Variants in OPCML observed in about 807,000 individuals in gnomAD.
The protein encoded by OPCML is opioid binding protein/cell adhesion molecule like, also known as opioid-binding protein/cell adhesion molecule.
In OPCML, 13 loss-of-function variants were observed where a neutral mutation model predicts 37.8. The observed-to-expected ratio is 0.34, with a 90% CI of 0.22 to 0.55. OPCML has a LOEUF of 0.55. Ranked by LOEUF, OPCML falls within the 20% of genes least tolerant of loss-of-function variation. The pLI, the probability that OPCML is intolerant of heterozygous loss-of-function variation, is 0.91. For missense variants in OPCML, 341 were observed against 435.6 expected, an observed-to-expected ratio of 0.78 and a Z score of 1.93; for synonymous variants, 176 against 168.8, an observed-to-expected ratio of 1.04 and a Z score of -0.33.
At chr11:133,447,721 A>G (rs956975417) in intron 1 of OPCML, among the ~76,000 whole-genome samples, 2 of 152,210 alleles carry the variant, frequency 1.3e-5, no homozygotes, top group African/African-American at 2.4e-5. Flanking sequence ...TCATAGCTGC[A>G]TAGTATTCCA....
intron 1 of OPCML, among the ~76,000 whole-genome samples, chr11:133,452,254 A>C (rs891060415): frequency 1.3e-5 from 2 of 151,744 alleles, no homozygotes; most frequent in Non-Finnish European, 2.9e-5. Context: ...AGGGAAATAC[A>C]TGAATAACCA....
At chr11:132,432,059 T>A (rs2095998857) in intron 7 of OPCML, among the ~76,000 whole-genome samples, 1 of 152,212 alleles carries the variant, frequency 6.6e-6, no homozygotes, top group African/African-American at 2.4e-5. Context: ...TCTTATGAGC[T>A]GGATTGCAAT....
chr11:133,427,583 T>C (rs746812157), intron 1 of OPCML, among the ~76,000 whole-genome samples: 2 of 151,920 alleles, frequency 1.3e-5, no homozygotes, highest in Non-Finnish European at 1.5e-5. Flanking sequence ...TGAGCAGAAC[T>C]GGAATGATAA....
chr11:133,246,420 C>A (rs1290798217), intron 1 of OPCML, among the ~76,000 whole-genome samples: 2 of 152,170 alleles, frequency 1.3e-5, no homozygotes, highest in Non-Finnish European at 2.9e-5. Context: ...GTTTGGAAGC[C>A]TTTCCTGAGT....
At chr11:132,902,886 C>G (rs573278332) in intron 2 of OPCML, among the ~76,000 whole-genome samples, 49 of 152,136 alleles carry the variant, frequency 3.2e-4, no homozygotes, top group Non-Finnish European at 5.3e-4. Context: ...AAGGCAACTC[C>G]GAGAAATTAC....
chr11:132,769,108 C>T lies in OPCML; in HGVS notation c.147-111789G>A, dbSNP rs1029350652. 6.8e-5 allele frequency among the ~76,000 whole-genome samples: 6 copies of T among 88,270 alleles called. No homozygotes were observed. In the Admixed American group the frequency reaches 9.2e-4, roughly 14 times the overall value. The allele number at this position is 88,270 out of a possible 152,430, so 57.9% of individuals were successfully genotyped here. On this transcript the variant is annotated intron_variant, in intron 2 of 7. Transcript: ENST00000524381. ...GGGGTTTGAGGTCGCTGATGCACCA[C>T]TGGGAACGGGAAAGGGGGTGTGGGG... is the stretch of plus-strand genomic sequence containing the variant.
intron 4 of OPCML, among the ~76,000 whole-genome samples, chr11:132,498,250 C>T (rs1029557005): frequency 3.3e-5 from 5 of 152,128 alleles, no homozygotes; most frequent in Non-Finnish European, 7.4e-5. Flanking sequence ...AGAAATAAAA[C>T]TTGAAGATTT....
At chr11:132,796,019 G>A (rs570731484) in intron 2 of OPCML, among the ~76,000 whole-genome samples, 2 of 152,248 alleles carry the variant, frequency 1.3e-5, no homozygotes, top group South Asian at 4.1e-4. Context: ...AAACAATACA[G>A]TTTATAAGCT....
chr11:133,355,599 T>G (rs984122987), intron 1 of OPCML, among the ~76,000 whole-genome samples: 3 of 152,316 alleles, frequency 2.0e-5, no homozygotes, highest in African/African-American at 7.2e-5. Flanking sequence ...GTGGCACAGC[T>G]GGGCCCTGAA....
chr11:132,431,000 G>A (rs192027214), intron 7 of OPCML, among the ~76,000 whole-genome samples: 1 of 152,194 alleles, frequency 6.6e-6, no homozygotes, highest in Non-Finnish European at 1.5e-5. Flanking sequence ...AAGGGACAGA[G>A]CTGTGGTCAG....
At chr11:133,225,860 G>C (rs932448692) in intron 1 of OPCML, among the ~76,000 whole-genome samples, 1 of 152,194 alleles carries the variant, frequency 6.6e-6, no homozygotes, top group Admixed American at 6.5e-5. Flanking sequence ...GAAACAACAC[G>C]TAGTAACTAT....
At chr11:133,445,333 G>A (rs533321192) in intron 1 of OPCML, among the ~76,000 whole-genome samples, 9 of 152,316 alleles carry the variant, frequency 5.9e-5, no homozygotes, top group African/African-American at 1.9e-4. Context: ...CTGTAAAGGG[G>A]CTGTTGACAT....
intron 1 of OPCML, among the ~76,000 whole-genome samples, chr11:133,517,548 G>A (rs772414819): frequency 2.6e-5 from 4 of 152,248 alleles, no homozygotes; most frequent in Admixed American, 6.5e-5. Flanking sequence ...CCGCTAGGGC[G>A]GTGGGGGTTT....
At chr11:133,121,446 C>A (rs1949419275) in intron 1 of OPCML, among the ~76,000 whole-genome samples, 2 of 152,178 alleles carry the variant, frequency 1.3e-5, no homozygotes, top group Admixed American at 1.3e-4. Context: ...TGTCCTGATA[C>A]ACTTCAGACA....
chr11:133,511,833 T>C (rs1948166603), intron 1 of OPCML, among the ~76,000 whole-genome samples: 1 of 152,196 alleles, frequency 6.6e-6, no homozygotes, highest in Non-Finnish European at 1.5e-5. Flanking sequence ...GCAGAACTCT[T>C]AGTCTGTTTT....
rs535757137 is a variant in OPCML, at chr11:132,956,781, C to T, written c.62-13771G>A. Reference sequence around the variant, plus strand: ...AAAAGCTTTCTTCTCCTCCCAGCAACTCTAGTTTCCTGTCTTGGCTGGATG... The same window carrying T: ...AAAAGCTTTCTTCTCCTCCCAGCAATTCTAGTTTCCTGTCTTGGCTGGATG... On this transcript the variant is annotated intron_variant, in intron 1 of 7. Coordinates refer to ENST00000524381, the MANE Select transcript of OPCML (RefSeq NM_001012393.5). 8.8e-4 allele frequency among the ~76,000 whole-genome samples: 134 copies of T among 152,262 alleles called. 1 individual carries two copies. The highest frequency in any genetic ancestry group is 3.1e-3 in the African/African-American group (129 of 41,550).
chr11:132,420,831 G>A (rs1354587845), intron 7 of OPCML, among the ~76,000 whole-genome samples: 6 of 152,170 alleles, frequency 3.9e-5, no homozygotes, highest in Non-Finnish European at 7.4e-5. Context: ...AAGGAAGGAG[G>A]AACAATCATC....
At chr11:132,944,066 GCC>G (rs987589790) in intron 1 of OPCML, among the ~76,000 whole-genome samples, 13 of 152,008 alleles carry the variant, frequency 8.6e-5, no homozygotes, top group Admixed American at 7.9e-4. Context: ...CCTCCGCCGC[GCC>G]CACCGGGCTG....
chr11:132,855,866 G>C (rs747580343), intron 2 of OPCML, among the ~76,000 whole-genome samples: 2 of 152,168 alleles, frequency 1.3e-5, no homozygotes, highest in African/African-American at 2.4e-5. Context: ...CCTCAGCCTC[G>C]ACACCTGTGC....
Sources: allele counts gnomAD v4.1 joint callset (sites outside exome capture counted in the v4.1 genomes callset), GRCh38; gene constraint gnomAD v4.1.1; transcripts MANE v1.5; gene names NCBI Gene and HGNC (gene_info 2026-07-23, HGNC 2026-07-21).